RBPMS: variants seen among roughly 807,000 people sequenced by gnomAD.
RBPMS encodes RNA binding protein, mRNA processing factor.
A neutral mutation model predicts 26.8 loss-of-function variants in RBPMS; 7 were observed. The observed-to-expected ratio is 0.26, with a 90% confidence interval of 0.15 to 0.49. The LOEUF (loss-of-function observed/expected upper bound fraction) is 0.49. Ranked by LOEUF, RBPMS falls within the 20% of genes least tolerant of loss-of-function variation. The pLI, the probability that RBPMS is intolerant of heterozygous loss-of-function variation, is 0.98. For missense variants in RBPMS, 186 were observed against 250.0 expected (o/e 0.74, Z 1.73); for synonymous variants, 96 against 93.3 (o/e 1.03, Z -0.17).
chr8:30,477,652 C>G (rs564672080), intron 2 of RBPMS, 147 bp from the exon 3 acceptor site: 1 of 590,294 alleles, frequency 1.7e-6, no homozygotes, highest in East Asian at 2.9e-5. Flanking sequence ...TGCACATGCA[C>G]ATGCATGTGT....
chr8:30,455,504 G>A (rs1815093535), intron 1 of RBPMS, among the ~76,000 whole-genome samples: 1 of 152,166 alleles, frequency 6.6e-6, no homozygotes, highest in African/African-American at 2.4e-5. Context: ...AAAGAATTGG[G>A]GCAGTGGGGA....
chr8:30,433,064 A>G (rs1193213285), intron 1 of RBPMS, among the ~76,000 whole-genome samples: 1 of 152,208 alleles, frequency 6.6e-6, no homozygotes, highest in Non-Finnish European at 1.5e-5. Flanking sequence ...AAAACCAGAT[A>G]AACTGTCCTA....
At chr8:30,505,884 C>T (rs1428961838) in intron 5 of RBPMS, among the ~76,000 whole-genome samples, 1 of 152,062 alleles carries the variant, frequency 6.6e-6, no homozygotes, top group Non-Finnish European at 1.5e-5. Flanking sequence ...TTTAGGATGC[C>T]TGATTTAGTA....
At chr8:30,477,284 C>T (rs1817803260) in intron 2 of RBPMS, among the ~76,000 whole-genome samples, 1 of 151,872 alleles carries the variant, frequency 6.6e-6, no homozygotes, top group Non-Finnish European at 1.5e-5. Context: ...CTCCAGACCT[C>T]ATGATCCGCC....
At chr8:30,556,084 T>C (rs1383263403) in intron 6 of RBPMS, 1 of 985,242 alleles carries the variant, frequency 1.0e-6, no homozygotes, top group Non-Finnish European at 1.2e-6. Context: ...GCCGTGGGTG[T>C]CTGTGGATGC....
intron 6 of RBPMS, 104 bp downstream of exon 6, chr8:30,544,728 G>C (rs770201195): frequency 6.2e-7 from 1 of 1,601,852 alleles, no homozygotes; most frequent in South Asian, 1.1e-5. Context: ...CCAGCTAACA[G>C]ATCCACCCTC....
chr8:30,425,945 G>A (rs1057075537), intron 1 of RBPMS, among the ~76,000 whole-genome samples: 1 of 152,124 alleles, frequency 6.6e-6, no homozygotes, highest in Non-Finnish European at 1.5e-5. Flanking sequence ...GAGACCAGGC[G>A]GCTGCTGACT....
At chr8:30,523,721 C>T (rs954292711) in intron 5 of RBPMS, among the ~76,000 whole-genome samples, 3 of 151,764 alleles carry the variant, frequency 2.0e-5, no homozygotes, top group African/African-American at 7.3e-5. Flanking sequence ...TTAATATAGA[C>T]ACATTTTGTG....
At chr8:30,390,198 T>A (rs2150540744) in intron 1 of RBPMS, among the ~76,000 whole-genome samples, 1 of 152,360 alleles carries the variant, frequency 6.6e-6, no homozygotes, top group South Asian at 2.1e-4. Context: ...GAATTAAATG[T>A]CTTTTTGCTT....
chr8:30,461,238 A>G (rs889575961), intron 1 of RBPMS, among the ~76,000 whole-genome samples: 1 of 152,214 alleles, frequency 6.6e-6, no homozygotes. Context: ...AGTGATTTAT[A>G]TAATCTAAAT....
chr8:30,419,458 G>A lies in RBPMS; in HGVS notation c.66+34300G>A, dbSNP rs766007351. Among the ~76,000 whole-genome samples, 208 of 144,796 alleles carry A rather than the reference G, an allele frequency of 1.4e-3. 1 individual carries two copies. Among genetic ancestry groups the A allele is most frequent in the African/African-American group, 4.5e-3 (160 of 35,498 alleles). The allele number at this position is 144,796 out of a possible 152,430, so 95.0% of individuals were successfully genotyped here. ...GAGATTGCATCTCAAAAATGTGTGT[G>A]TGTGTGTGTGTGTGTGTGTGTGTGT... On this transcript the variant is annotated intron_variant, in intron 1 of 8. Coordinates refer to ENST00000397323, the MANE Select transcript of RBPMS (RefSeq NM_001008710.3).
chr8:30,558,824 C>T, intron 6 of RBPMS, 63 bp from the exon 7 acceptor site: 1 of 1,400,840 alleles, frequency 7.1e-7, no homozygotes, highest in Non-Finnish European at 1.0e-6. Context: ...AAGCAGGACC[C>T]TCCGTGAGAA....
At chr8:30,467,074 C>T (rs912649957) in intron 1 of RBPMS, among the ~76,000 whole-genome samples, 11 of 152,214 alleles carry the variant, frequency 7.2e-5, no homozygotes, top group Non-Finnish European at 1.6e-4. Flanking sequence ...TCAGTGCCAA[C>T]TAGAAACTGG....
chr8:30,388,333 C>T (rs999589446), intron 1 of RBPMS, among the ~76,000 whole-genome samples: 24 of 151,242 alleles, frequency 1.6e-4, no homozygotes, highest in Non-Finnish European at 3.0e-4. Context: ...TTTGTCTTAC[C>T]TAATCAGTTA....
intron 1 of RBPMS, among the ~76,000 whole-genome samples, chr8:30,474,106 C>T (rs1035353098): frequency 6.6e-6 from 1 of 151,958 alleles, no homozygotes; most frequent in Non-Finnish European, 1.5e-5. Context: ...ACAACAACAA[C>T]AACAAAAATG....
At chr8:30,467,120 C>T (rs1268461998) in intron 1 of RBPMS, among the ~76,000 whole-genome samples, 1 of 152,150 alleles carries the variant, frequency 6.6e-6, no homozygotes, top group Non-Finnish European at 1.5e-5. Flanking sequence ...TGCTGAGCTG[C>T]AATCAGAATT....
At chr8:30,416,514 G>A (rs1418607254) in intron 1 of RBPMS, among the ~76,000 whole-genome samples, 1 of 151,126 alleles carries the variant, frequency 6.6e-6, no homozygotes, top group South Asian at 2.1e-4. Flanking sequence ...ATGGAGTCTC[G>A]CTCTGTTGCC....
intron 5 of RBPMS, among the ~76,000 whole-genome samples, chr8:30,541,559 C>T (rs554175164): frequency 1.6e-4 from 25 of 152,154 alleles, no homozygotes; most frequent in Non-Finnish European, 2.9e-4. Context: ...GCCCTGGCCT[C>T]TTGATCTGCC....
intron 1 of RBPMS, among the ~76,000 whole-genome samples, chr8:30,407,762 A>C (rs1222477659): frequency 4.2e-5 from 3 of 71,414 alleles, no homozygotes; most frequent in Non-Finnish European, 8.3e-5. Context: ...TGCTCCTCCC[A>C]GTAGAGGAGG....
Sources: allele counts gnomAD v4.1 joint callset (sites outside exome capture counted in the v4.1 genomes callset), GRCh38; gene constraint gnomAD v4.1.1; transcripts MANE v1.5; gene names NCBI Gene and HGNC (gene_info 2026-07-23, HGNC 2026-07-21).